CELF5: variants seen among roughly 807,000 people sequenced by gnomAD.
CELF5 encodes the protein CUGBP Elav-like family member 5, also known as CUG-BP and ETR-3 like factor 5.
CELF5 carries 6 observed loss-of-function variants against 54.9 expected under a neutral mutation model. The ratio of observed to expected loss-of-function variants is 0.11; its 90% CI spans 0.06 to 0.22. The LOEUF is 0.22. Ranked by LOEUF, CELF5 falls within the 10% of genes least tolerant of loss-of-function variation. The pLI is 1.00. For synonymous variants in CELF5, 271 were observed against 290.9 expected (o/e 0.93, Z 0.70); for missense variants, 401 against 678.6 (o/e 0.59, Z 4.54).
At chr19:3,257,198 G>A (rs1399504973) in intron 2 of CELF5, among the ~76,000 whole-genome samples, 2 of 152,212 alleles carry the variant, frequency 1.3e-5, no homozygotes, top group Non-Finnish European at 2.9e-5. Context: ...CTCTCTGCAG[G>A]AAGGGCGTTT....
At chr19:3,270,162 T>C (rs2079937311) in intron 2 of CELF5, among the ~76,000 whole-genome samples, 1 of 151,286 alleles carries the variant, frequency 6.6e-6, no homozygotes, top group African/African-American at 2.4e-5. Context: ...TGGGAGAGTT[T>C]GTGTCTGGCT....
intron 2 of CELF5, among the ~76,000 whole-genome samples, chr19:3,271,486 A>T (rs768045418): frequency 1.3e-5 from 2 of 152,110 alleles, no homozygotes; most frequent in Non-Finnish European, 2.9e-5. Context: ...GCTGGGCGGC[A>T]GGAAGGTTGG....
chr19:3,257,134 G>A (rs1241637220), intron 2 of CELF5, among the ~76,000 whole-genome samples: 3 of 152,160 alleles, frequency 2.0e-5, no homozygotes, highest in East Asian at 3.9e-4. Context: ...TTTAGACAGG[G>A]TGGTCAGGGA....
chr19:3,260,823 C>T (rs1415992819), intron 2 of CELF5, among the ~76,000 whole-genome samples: 3 of 151,722 alleles, frequency 2.0e-5, no homozygotes, highest in African/African-American at 4.8e-5. Flanking sequence ...GGGGTTTCAC[C>T]GTGTTAGTCA....
chr19:3,267,805 A>ACACAG (rs56027488), intron 2 of CELF5, among the ~76,000 whole-genome samples: 42,226 of 151,630 alleles, frequency 0.28, 7,130 homozygotes, highest in East Asian at 0.76. Flanking sequence ...CTCTCTGTGC[A>ACACAG]GGGTCACAGA....
At chr19:3,293,571 C>A (rs1436502498) in intron 12 of CELF5, 85 bp downstream of exon 12, 3 of 1,184,526 alleles carry the variant, frequency 2.5e-6, no homozygotes, top group Admixed American at 2.6e-5. Flanking sequence ...TGCTCCAAAC[C>A]CTCCCCAGGT....
chr19:3,274,806 TG>T (rs1045590444), intron 3 of CELF5, among the ~76,000 whole-genome samples: 1 of 152,106 alleles, frequency 6.6e-6, no homozygotes, highest in African/African-American at 2.4e-5. Context: ...CCCTCTGGGA[TG>T]GGAGCCCCTT....
chr19:3,232,001 T>G (rs1365109443), intron 1 of CELF5, among the ~76,000 whole-genome samples: 2 of 151,510 alleles, frequency 1.3e-5, no homozygotes, highest in African/African-American at 4.9e-5. Flanking sequence ...AATGGATGGA[T>G]GGATGATGGA....
chr19:3,282,524 C>A lies in CELF5; in HGVS notation c.1039+26C>A. The stretch of plus-strand genomic sequence containing the variant: ...GTAAATTGGGGTCGTCCTCTGGGGC[C>A]TAGGAGAGTGGTGGGGAATAAAGAT... On this transcript the variant is annotated intron_variant, in intron 8 of 12. Transcript: ENST00000292672. This position sits in a 1 kb window ranked among gnomAD's most constrained non-coding sequence, Gnocchi z 5.2. 1 of 1,598,862 alleles carries A rather than the reference C, an allele frequency of 6.3e-7. No homozygotes were observed. Among genetic ancestry groups the A allele is most frequent in the Middle Eastern group, 1.7e-4 (1 of 5,718 alleles).
chr19:3,244,378 T>C (rs1267264977), intron 1 of CELF5, among the ~76,000 whole-genome samples: 1 of 151,772 alleles, frequency 6.6e-6, no homozygotes, highest in African/African-American at 2.4e-5. Context: ...TGCATCTGTA[T>C]GTGTGTAGTG....
At chr19:3,254,817 T>C (rs143781584) in intron 2 of CELF5, among the ~76,000 whole-genome samples, 195 of 151,822 alleles carry the variant, frequency 1.3e-3, no homozygotes, top group African/African-American at 4.5e-3. Context: ...CATCCACCCA[T>C]CCATCCATCC....
intron 10 of CELF5, among the ~76,000 whole-genome samples, chr19:3,287,149 C>T (rs1323601520): frequency 6.6e-6 from 1 of 151,470 alleles, no homozygotes; most frequent in Non-Finnish European, 1.5e-5. Context: ...CACGATGGAA[C>T]ACTATACAGC....
intron 1 of CELF5, among the ~76,000 whole-genome samples, chr19:3,234,140 CT>C (rs1568328936): frequency 6.6e-6 from 1 of 152,086 alleles, no homozygotes; most frequent in Non-Finnish European, 1.5e-5. Context: ...ACCAGAAGAA[CT>C]TTGTACACAT....
At position 3,275,209 on chromosome 19, in the gene CELF5, A is replaced by C. The variant is rs1032612190; in HGVS notation, c.395-647A>C. 1.3e-5 allele frequency among the ~76,000 whole-genome samples: 2 copies of C among 152,214 alleles called. No individual in the cohort carries two copies. The highest frequency in any genetic ancestry group is 6.5e-5 in the Admixed American group (1 of 15,288). On this transcript the variant is annotated intron_variant, in intron 3 of 12. Coordinates refer to ENST00000292672, the MANE Select transcript of CELF5 (RefSeq NM_021938.4). This position sits in a 1 kb window ranked among gnomAD's most constrained non-coding sequence, Gnocchi z 6.7. ...CAAGGGGGCAGAGCTCACACAGGAG[A>C]GGCTGGCCCAGCTCCGGCCTCAGAC...
In CELF5 at chr19:3,268,327, T is replaced by C. The variant is rs1472979534; in HGVS notation, c.343-5545T>C. ...CGGCACCTAGAAGTGTTTGGAGGAC[T>C]CTGTAAGGTGAGGCCTGTCAGGTGC... On this transcript the variant is annotated intron_variant, in intron 2 of 12. Transcript: ENST00000292672. The surrounding 1 kb of genome is among the most constrained non-coding windows in gnomAD (Gnocchi z 4.4). Among the ~76,000 whole-genome samples, 1 of 152,184 alleles carries C rather than the reference T, an allele frequency of 6.6e-6. No homozygotes were observed. Among genetic ancestry groups the C allele is most frequent in the Non-Finnish European group, 1.5e-5 (1 of 68,036 alleles).
At chr19:3,293,100 T>C (rs2080377956) in intron 11 of CELF5, among the ~76,000 whole-genome samples, 1 of 151,876 alleles carries the variant, frequency 6.6e-6, no homozygotes, top group African/African-American at 2.4e-5. Flanking sequence ...GACCCCAAGA[T>C]AAGGAGTGAG....
At chr19:3,285,035 C>A in intron 9 of CELF5, 71 bp downstream of exon 9, 1 of 1,130,968 alleles carries the variant, frequency 8.8e-7, no homozygotes, top group Non-Finnish European at 1.3e-6. Context: ...CCCCAGGGCC[C>A]GCCCCGGACG....
intron 5 of CELF5, among the ~76,000 whole-genome samples, chr19:3,280,229 C>T (rs983240706): frequency 6.6e-6 from 1 of 152,112 alleles, no homozygotes; most frequent in African/African-American, 2.4e-5. Flanking sequence ...GGCTACTGTC[C>T]GCTGTCCACT....
At chr19:3,235,545 G>GATGAATGGGTGGATGGATGGAAGGGTTT (rs1917515276) in intron 1 of CELF5, among the ~76,000 whole-genome samples, 1 of 20,426 alleles carries the variant, frequency 4.9e-5, no homozygotes, top group African/African-American at 1.6e-4. Context: ...TGGGTGGATG[G>GATGAATGGGTGGATGGATGGAAGGGTTT]GTGGATGAGT....
Sources: allele counts gnomAD v4.1 joint callset (sites outside exome capture counted in the v4.1 genomes callset), GRCh38; gene constraint gnomAD v4.1.1; non-coding constraint Gnocchi (gnomAD v3.1); transcripts MANE v1.5; gene names NCBI Gene and HGNC (gene_info 2026-07-23, HGNC 2026-07-21).